The following HECW1 variants were observed in gnomAD, a reference collection of about 807,000 sequenced individuals.
HECW1 encodes HECT, C2 and WW domain containing E3 ubiquitin protein ligase 1, also known as E3 ubiquitin-protein ligase HECW1.
HECW1 carries 61 observed loss-of-function variants against 182.3 expected under a neutral mutation model. That is an observed-to-expected ratio of 0.33 (90% CI 0.27 to 0.41). HECW1 has a LOEUF of 0.41. HECW1 is among the 10% of genes least tolerant of loss of function. The pLI, the probability that HECW1 is intolerant of heterozygous loss-of-function variation, is 1.00. For synonymous variants in HECW1, 859 were observed against 832.6 expected, an observed-to-expected ratio of 1.03 and a Z score of -0.55; for missense variants, 1,739 against 2,108.9, an observed-to-expected ratio of 0.82 and a Z score of 3.44.
intron 7 of HECW1, among the ~76,000 whole-genome samples, chr7:43,397,307 A>G (rs2075263650): frequency 6.6e-6 from 1 of 152,222 alleles, no homozygotes. Context: ...CATGGAAAAA[A>G]AATCAGTGGA....
chr7:43,550,677 G>T, intron 27 of HECW1, 86 bp downstream of exon 27: 1 of 1,354,456 alleles, frequency 7.4e-7, no homozygotes, highest in Non-Finnish European at 1.0e-6. Context: ...TGAGGGAGCA[G>T]CAGCTCAGGT....
At chr7:43,459,234 C>T (rs1018066262) in intron 13 of HECW1, among the ~76,000 whole-genome samples, 3 of 152,204 alleles carry the variant, frequency 2.0e-5, no homozygotes, top group African/African-American at 7.2e-5. Flanking sequence ...CCTGTTCTTA[C>T]CTTTTTGCCT....
chr7:43,488,492 A>AAGAAAG (rs1563046869), intron 17 of HECW1, among the ~76,000 whole-genome samples: 100 of 132,520 alleles, frequency 7.5e-4, no homozygotes, highest in African/African-American at 2.6e-3. Flanking sequence ...AAGAAAGAGA[A>AAGAAAG]AGAAAGAAAG....
intron 11 of HECW1, among the ~76,000 whole-genome samples, chr7:43,449,538 G>A (rs749954705): frequency 3.3e-5 from 5 of 152,136 alleles, no homozygotes; most frequent in East Asian, 1.9e-4. Context: ...GATCAGTTCC[G>A]TAGAACTAGA....
At chr7:43,541,304 C>T in intron 25 of HECW1, 43 bp downstream of exon 25, 3 of 1,482,442 alleles carry the variant, frequency 2.0e-6, no homozygotes, top group Non-Finnish European at 1.9e-6. Flanking sequence ...GCCCTGTCTG[C>T]AGGGCAAGGA....
intron 28 of HECW1, among the ~76,000 whole-genome samples, 164 bp downstream of exon 28, chr7:43,552,500 G>A (rs899874472): frequency 2.6e-5 from 4 of 152,196 alleles, no homozygotes; most frequent in Non-Finnish European, 4.4e-5. Context: ...ATTGCCTCTA[G>A]CTACTTCCAG....
intron 26 of HECW1, among the ~76,000 whole-genome samples, chr7:43,543,358 G>GA (rs2081430380): frequency 6.6e-6 from 1 of 152,194 alleles, no homozygotes; most frequent in Admixed American, 6.5e-5. Flanking sequence ...TTAGGTCCTG[G>GA]AAAATGTCAA....
chr7:43,444,627 G>C lies in HECW1; in HGVS notation c.1455G>C (p.Glu485Asp), dbSNP rs1284587229. 6.2e-7 allele frequency: 1 copy of C among 1,609,750 alleles called. No homozygotes were observed. The highest frequency in any genetic ancestry group is 1.1e-5 in the South Asian group (1 of 90,288). The change falls in exon 11 of 30, where the codon GAG (glutamate) becomes GAC (aspartate). Residue 485 changes from glutamate to aspartate, a missense_variant. Glu to Asp is a conservative substitution (Grantham distance 45). Transcript: ENST00000395891. This position sits in a 1 kb window ranked among gnomAD's most constrained non-coding sequence, Gnocchi z 4.3. ...AAGCCCCAGCCAGCACCAAGGAGGAGCCCTTGGAGGAGGAAGCAACGACCC... is the reference window on the plus strand; with the variant it reads ...AAGCCCCAGCCAGCACCAAGGAGGACCCCTTGGAGGAGGAAGCAACGACCC... ...DGEAPASTKE[E>D]PLEEEATTQS...
At position 43,419,723 on chromosome 7, in the gene HECW1, C is replaced by T. The variant is rs140813469; in HGVS notation, c.801+11992C>T. Among the ~76,000 whole-genome samples, 612 of 152,266 alleles carry T rather than the reference C, an allele frequency of 4.0e-3. 2 individuals are homozygous for T. The highest frequency in any genetic ancestry group is 0.013 in the African/African-American group (541 of 41,566). ...GAAGGGAACTTTTTTGTTAGAAATG[C>T]TTGTTTCCCAATGCCGTAAAGAAAT... On this transcript the variant is annotated intron_variant, in intron 8 of 29. Transcript: ENST00000395891.
At chr7:43,287,318 G>C (rs977682102) in intron 3 of HECW1, among the ~76,000 whole-genome samples, 1 of 152,064 alleles carries the variant, frequency 6.6e-6, no homozygotes, top group African/African-American at 2.4e-5. Context: ...GAGATGTCTG[G>C]GGGTGCACAT....
intron 19 of HECW1, among the ~76,000 whole-genome samples, 183 bp from the exon 20 acceptor site, chr7:43,500,516 A>C (rs184413780): frequency 7.9e-5 from 12 of 152,310 alleles, no homozygotes; most frequent in African/African-American, 2.6e-4. Flanking sequence ...TCTGTAGAAA[A>C]GCCATCCCTC....
At chr7:43,230,533 G>A (rs1026287567) in intron 2 of HECW1, among the ~76,000 whole-genome samples, 2 of 152,132 alleles carry the variant, frequency 1.3e-5, no homozygotes, top group Admixed American at 1.3e-4. Flanking sequence ...TCTGAATAAG[G>A]TCTGTAGATT....
intron 2 of HECW1, among the ~76,000 whole-genome samples, chr7:43,155,301 TTAAAAA>T (rs1269322360): frequency 5.3e-5 from 8 of 152,122 alleles, no homozygotes; most frequent in African/African-American, 1.4e-4. Context: ...AATACAATTC[TTAAAAA>T]TAAACAATAA....
chr7:43,507,057 G>A (rs887993641), intron 21 of HECW1, 80 bp from the exon 22 acceptor site: 6 of 1,518,760 alleles, frequency 4.0e-6, no homozygotes, highest in South Asian at 2.5e-5. Flanking sequence ...GCAACAGAGC[G>A]AGACTCCTTC....
At chr7:43,470,839 T>C (rs1315034260) in intron 16 of HECW1, among the ~76,000 whole-genome samples, 4 of 152,310 alleles carry the variant, frequency 2.6e-5, no homozygotes, top group South Asian at 2.1e-4. Flanking sequence ...AGGCATACCA[T>C]GTAGTGAATT....
chr7:43,542,092 T>A, intron 26 of HECW1, 94 bp downstream of exon 26: 1 of 1,109,672 alleles, frequency 9.0e-7, no homozygotes, highest in Non-Finnish European at 1.2e-6. Flanking sequence ...TTTTTAAGTG[T>A]AGACTTCAGT....
chr7:43,138,979 G>GT (rs372731760), intron 2 of HECW1, among the ~76,000 whole-genome samples: 2 of 152,158 alleles, frequency 1.3e-5, no homozygotes, highest in Non-Finnish European at 2.9e-5. Flanking sequence ...AGACAGACTG[G>GT]TTTTTTTGTT....
At chr7:43,472,598 A>T (rs2078066156) in intron 16 of HECW1, among the ~76,000 whole-genome samples, 1 of 151,610 alleles carries the variant, frequency 6.6e-6, no homozygotes, top group Non-Finnish European at 1.5e-5. Flanking sequence ...ATTATATTAA[A>T]TAAATATTAA....
At chr7:43,190,772 C>T (rs759073459) in intron 2 of HECW1, among the ~76,000 whole-genome samples, 2 of 152,208 alleles carry the variant, frequency 1.3e-5, no homozygotes, top group Non-Finnish European at 2.9e-5. Flanking sequence ...GTTCCAAACT[C>T]ATCTCCTCCC....
Sources: gnomAD v4.1 joint callset for allele counts (sites outside exome capture counted in the v4.1 genomes callset) on GRCh38, gnomAD v4.1.1 for gene constraint, Gnocchi (gnomAD v3.1) non-coding constraint, MANE v1.5 for transcripts, NCBI Gene and HGNC (gene_info 2026-07-23, HGNC 2026-07-21) for gene names.